The following CDON variants were observed in gnomAD, a reference collection of about 807,000 sequenced individuals.
CDON encodes cell adhesion molecule-related/down-regulated by oncogenes.
A neutral mutation model predicts 120.9 loss-of-function variants in CDON; 73 were observed. That is an observed-to-expected ratio of 0.60 (90% CI 0.50 to 0.73). CDON has a LOEUF of 0.73. Ranked by LOEUF, CDON falls within the 30% of genes least tolerant of loss-of-function variation. The pLI is 0.00. For synonymous variants in CDON, 566 were observed against 573.5 expected, an observed-to-expected ratio of 0.99 and a Z score of 0.19; for missense variants, 1,470 against 1,587.3, an observed-to-expected ratio of 0.93 and a Z score of 1.26.
In CDON at chr11:126,015,500, G is replaced by T. The variant is rs543675306; in HGVS notation, c.939C>A (p.Ser313=). The T allele has an allele frequency of 3.7e-5, 60 of 1,613,884 alleles. No individual in the cohort carries two copies. The South Asian group carries it at 5.3e-4, about 14-fold the overall frequency. Residue 313 remains serine, a synonymous_variant, in exon 7 of 20, where the codon TCC becomes TCA. Transcript: ENST00000531738. ...TYMVNVLEHA[S]ISKGLQDQIV... Reference sequence around the variant, plus strand: ...TCTGATCCTGTAGTCCTTTAGAAATGGAAGCATGTTCTGAAAATAAAACAC... The same window carrying T: ...TCTGATCCTGTAGTCCTTTAGAAATTGAAGCATGTTCTGAAAATAAAACAC...
chr11:126,058,807 G>A (rs1056641662), intron 1 of CDON, among the ~76,000 whole-genome samples: 1 of 152,190 alleles, frequency 6.6e-6, no homozygotes, highest in African/African-American at 2.4e-5. Context: ...ATTTGAGGCA[G>A]GGGAAAAGGG....
chr11:126,029,889 C>T (rs1464145621), intron 1 of CDON, among the ~76,000 whole-genome samples: 1 of 152,168 alleles, frequency 6.6e-6, no homozygotes, highest in Non-Finnish European at 1.5e-5. Context: ...AACATGCACA[C>T]ACACAAACAC....
chr11:126,010,354 TGCTTC>T lies in CDON; in HGVS notation c.1534_1538del (p.Glu512IlefsTer8). The stretch of plus-strand genomic sequence containing the variant: ...ATGGCAACTCACCAACCATGAGAGA[TGCTTC>T]TGCCTGTGTGGTACCATGTTCATTT... On this transcript the variant is annotated frameshift_variant, in exon 8 of 20. Coordinates refer to ENST00000531738, the MANE Select transcript of CDON (RefSeq NM_001378964.1). LOFTEE classifies it high-confidence loss of function. 6.2e-7 allele frequency: 1 copy of T among 1,608,554 alleles called. No homozygotes were observed. Among genetic ancestry groups the T allele is most frequent in the South Asian group, 1.1e-5 (1 of 90,468 alleles).
chr11:126,050,568 A>G (rs1948533352), intron 1 of CDON, among the ~76,000 whole-genome samples: 1 of 151,820 alleles, frequency 6.6e-6, no homozygotes, highest in African/African-American at 2.4e-5. Flanking sequence ...CCAAAATACA[A>G]AGGGCTCTAT....
chr11:126,010,814 C>T, intron 7 of CDON, 120 bp from the exon 8 acceptor site: 1 of 769,852 alleles, frequency 1.3e-6, no homozygotes, highest in South Asian at 1.5e-5. Context: ...TAGCTACCTC[C>T]TTATTAGTTC....
At chr11:126,032,687 A>C (rs1947974744) in intron 1 of CDON, among the ~76,000 whole-genome samples, 1 of 152,210 alleles carries the variant, frequency 6.6e-6, no homozygotes, top group African/African-American at 2.4e-5. Context: ...GGTTTTTCAA[A>C]AATTTTTAAG....
At chr11:126,020,828 T>C (rs1277752794) in intron 3 of CDON, among the ~76,000 whole-genome samples, 1 of 152,114 alleles carries the variant, frequency 6.6e-6, no homozygotes, top group African/African-American at 2.4e-5. Context: ...AATAAAACAA[T>C]TAGATGTGAA....
At chr11:125,973,878 C>T (rs1346167272) in intron 18 of CDON, among the ~76,000 whole-genome samples, 1 of 152,006 alleles carries the variant, frequency 6.6e-6, no homozygotes, top group Admixed American at 6.6e-5. Context: ...ATTACATATT[C>T]ATTTTTATTA....
rs751579608 is a variant in CDON, at chr11:126,017,404, T to C, written c.641-29A>G. On this transcript the variant is annotated intron_variant, in intron 5 of 19. Transcript: ENST00000531738. ...GAAAAGGAAAGGAGATGAGAGATTA[T>C]TAGTAAGTCTTCGATTCTAATCTCT... is the stretch of plus-strand genomic sequence containing the variant. 3.7e-5 allele frequency: 60 copies of C among 1,606,364 alleles called. No individual in the cohort carries two copies. The African/African-American group carries it at 7.5e-4, about 20-fold the overall frequency.
At chr11:126,022,932 C>T (rs1053168729) in intron 2 of CDON, among the ~76,000 whole-genome samples, 9 of 152,144 alleles carry the variant, frequency 5.9e-5, no homozygotes, top group Non-Finnish European at 1.0e-4. Flanking sequence ...TTTTCAGTAA[C>T]CCAAAGAGGT....
intron 12 of CDON, among the ~76,000 whole-genome samples, chr11:125,996,611 A>G (rs1354994140): frequency 5.3e-5 from 8 of 149,988 alleles, no homozygotes; most frequent in Non-Finnish European, 1.2e-4. Context: ...GAGGCAGGAG[A>G]ATCGCTTGAA....
chr11:126,005,593 T>C (rs1217130198), intron 9 of CDON, 166 bp downstream of exon 9: 3 of 676,334 alleles, frequency 4.4e-6, no homozygotes, highest in Non-Finnish European at 7.7e-6. Flanking sequence ...AGTGCTTTCC[T>C]AGGATTGGTA....
chr11:125,984,617 A>G (rs1946411648), intron 15 of CDON, among the ~76,000 whole-genome samples: 1 of 151,738 alleles, frequency 6.6e-6, no homozygotes, highest in Non-Finnish European at 1.5e-5. Flanking sequence ...GAATTGCTTG[A>G]AGCCGGGAGA....
intron 11 of CDON, 80 bp downstream of exon 11, chr11:126,001,639 C>A: frequency 8.2e-7 from 1 of 1,217,358 alleles, no homozygotes; most frequent in Non-Finnish European, 1.2e-6. Flanking sequence ...TAAACAAACA[C>A]CCTATTCCAC....
chr11:126,036,846 G>T (rs1249007438), intron 1 of CDON, among the ~76,000 whole-genome samples: 1 of 152,072 alleles, frequency 6.6e-6, no homozygotes, highest in Non-Finnish European at 1.5e-5. Flanking sequence ...AAGCCATCAC[G>T]CCCAGCTGAT....
At chr11:126,012,550 C>T (rs182940719) in intron 7 of CDON, among the ~76,000 whole-genome samples, 190 of 151,314 alleles carry the variant, frequency 1.3e-3, no homozygotes, top group Non-Finnish European at 2.2e-3. Context: ...TACAGGTTCA[C>T]GCTGCCATGC....
At position 125,994,946 on chromosome 11, in the gene CDON, G is replaced by A. The variant is rs1946738723; in HGVS notation, c.2469C>T (p.Ser823=). Residue 823 remains serine (S), a synonymous_variant, in exon 13 of 20, where the codon TCC becomes TCT. Coordinates refer to ENST00000531738, the MANE Select transcript of CDON (RefSeq NM_001378964.1). ...TGTGAGGTCCAGTTATTGGACGGCT[G>A]GAAAAGCGATTGGGGAACCCAACCA... The part of the protein sequence containing the change: ...YQVVGFPNRF[S]SRPITGPHIA... 2 of 1,614,074 alleles carry A rather than the reference G, an allele frequency of 1.2e-6. No individual in the cohort carries two copies. The highest frequency in any genetic ancestry group is 2.2e-5 in the East Asian group (1 of 44,870).
intron 18 of CDON, among the ~76,000 whole-genome samples, chr11:125,973,750 T>C (rs1398562230): frequency 6.6e-6 from 1 of 152,180 alleles, no homozygotes; most frequent in Non-Finnish European, 1.5e-5. Context: ...TCTAAACTTA[T>C]TTCCTTCCCT....
At chr11:126,007,836 G>A (rs2134611439) in intron 8 of CDON, among the ~76,000 whole-genome samples, 1 of 152,248 alleles carries the variant, frequency 6.6e-6, no homozygotes, top group Non-Finnish European at 1.5e-5. Flanking sequence ...CAATACAACT[G>A]AAAAGACCTT....
Sources: allele counts gnomAD v4.1 joint callset (sites outside exome capture counted in the v4.1 genomes callset), GRCh38; gene constraint gnomAD v4.1.1; transcripts MANE v1.5; gene names NCBI Gene and HGNC (gene_info 2026-07-23, HGNC 2026-07-21).